TMEM174: variants seen among roughly 807,000 people sequenced by gnomAD.
TMEM174 encodes the protein transmembrane protein 174.
In TMEM174, 11 loss-of-function variants were observed where a neutral mutation model predicts 15.1. The observed-to-expected ratio is 0.73, with a 90% CI of 0.46 to 1.20. TMEM174 has a LOEUF of 1.20. Ranked by LOEUF, TMEM174 falls within the 50% of genes most tolerant of loss-of-function variation. The pLI is 0.00. For missense variants in TMEM174, 321 were observed against 303.6 expected, an observed-to-expected ratio of 1.06 and a Z score of -0.43; for synonymous variants, 130 against 121.3, an observed-to-expected ratio of 1.07 and a Z score of -0.47.
chr5:73,174,122 T>G lies in TMEM174; in HGVS notation c.689T>G (p.Phe230Cys). The G allele has an allele frequency of 6.2e-7, 1 of 1,614,096 alleles. No homozygotes were observed. Among genetic ancestry groups the G allele is most frequent in the South Asian group, 1.1e-5 (1 of 91,068 alleles). The change falls in exon 2 of 2, where the codon TTC becomes TGC. Residue 230 changes from phenylalanine to cysteine, a missense_variant. Physicochemically the swap from Phe to Cys is radical, Grantham distance 205. Coordinates refer to ENST00000296776, the MANE Select transcript of TMEM174 (RefSeq NM_153217.3). ...CTGGAAGAGGAGGCCTGTGCCTGCT[T>G]CTCTCCTCCCCCTTATGAAGAAATA... ...TQLEEEACAC[F>C]SPPPYEEIYS...
Position 73,174,779 on chromosome 5 carries a change from G to C in TMEM174, c.*614G>C, listed in dbSNP as rs1294866882. The C allele has an allele frequency of 6.5e-6, 1 of 152,690 alleles. No individual in the cohort carries two copies. Among genetic ancestry groups the C allele is most frequent in the Non-Finnish European group, 1.5e-5 (1 of 68,308 alleles). The allele number at this position is 152,690 out of a possible 1,614,324, so 9.5% of individuals were successfully genotyped here. ...ATAAATCATGTCTCCTGCTAGAATA[G>C]TATTGGATACCTGACTAAATTACAC... On this transcript the variant is annotated 3_prime_UTR_variant, in exon 2 of 2. Coordinates refer to ENST00000296776, the MANE Select transcript of TMEM174 (RefSeq NM_153217.3).
At position 73,173,979 on chromosome 5, in the gene TMEM174, C is replaced by A. The variant is rs1745023321; in HGVS notation, c.627-81C>A. 3 of 1,604,684 alleles carry A rather than the reference C, an allele frequency of 1.9e-6. No individual in the cohort carries two copies. The South Asian group carries it at 3.3e-5, about 18-fold the overall frequency. ...GGGAGACTGTGAATCTCTTCTTAGC[C>A]TGTTGCCCACGATGGCAGCCTTGGT... On this transcript the variant is annotated intron_variant, in intron 1 of 1. Transcript: ENST00000296776.
rs1411088978 is a variant in TMEM174 at position 73,174,864 on chromosome 5, T to C, written c.*699T>C. On this transcript the variant is annotated 3_prime_UTR_variant, in exon 2 of 2. Coordinates refer to ENST00000296776, the MANE Select transcript of TMEM174 (RefSeq NM_153217.3). ...ATCCTTCCCGATCACTGAGTCACAGTGACCCTTGGCTGCTGCTGTTCTCTT... is the reference window on the plus strand; with the variant it reads ...ATCCTTCCCGATCACTGAGTCACAGCGACCCTTGGCTGCTGCTGTTCTCTT... 6.6e-6 allele frequency: 1 copy of C among 152,420 alleles called. No homozygotes were observed. Among genetic ancestry groups the C allele is most frequent in the Non-Finnish European group, 1.5e-5 (1 of 68,082 alleles). 9.4% of individuals were successfully genotyped at this position (152,420 alleles called of 1,614,324 possible). A position where few individuals can be genotyped will look rare whatever the true frequency, so the allele number is the denominator to read the frequency against.
chr5:73,173,472 G>A lies in TMEM174; in HGVS notation c.229G>A (p.Val77Ile), dbSNP rs145842297. 1,509 of 1,614,202 alleles carry A rather than the reference G, an allele frequency of 9.3e-4. 2 individuals carry two copies. The highest frequency in any genetic ancestry group is 1.1e-3 in the Non-Finnish European group (1,308 of 1,180,034). The change falls in exon 1 of 2, where the codon GTC becomes ATC. Residue 77 changes from valine (V) to isoleucine (I), a missense_variant. By Grantham distance (29) the Val-to-Ile change is conservative (BLOSUM62 3). Coordinates refer to ENST00000296776, the MANE Select transcript of TMEM174 (RefSeq NM_153217.3). ...HFEWTQLLGPVLLSVGVTFIL... is the reference protein window; with the variant it reads ...HFEWTQLLGPILLSVGVTFIL... ...TGAATGGACCCAGCTCCTTGGGCCC[G>A]TCCTGCTGTCAGTTGGGGTGACATT...
chr5:73,173,546 C>CA lies in TMEM174; in HGVS notation c.306dup (p.Glu103ArgfsTer3). 6.2e-7 allele frequency: 1 copy of CA among 1,614,230 alleles called. No homozygotes were observed. Among genetic ancestry groups the CA allele is most frequent in the Non-Finnish European group, 8.5e-7 (1 of 1,180,050 alleles). On this transcript the variant is annotated frameshift_variant, in exon 1 of 2. Transcript: ENST00000296776. LOFTEE classifies it high-confidence loss of function. The stretch of plus-strand genomic sequence containing the variant: ...TCAAAATGCTCTCCTGCCAGTTGTG[C>CA]AAAGAAAGTGAGGAAAGGGTCCCGG...
rs757392728 is a variant in TMEM174 at position 73,174,094 on chromosome 5, CA to C, written c.662del (p.Gln221ArgfsTer46). On this transcript the variant is annotated frameshift_variant, in exon 2 of 2. Coordinates refer to ENST00000296776, the MANE Select transcript of TMEM174 (RefSeq NM_153217.3). LOFTEE classifies it high-confidence loss of function. ...NPDVDQLEET[Q>X]LEEEACACFS... is the part of the protein sequence containing the mutation. ...TGATGTTGACCAGCTAGAAGAGACA[CA>C]GCTGGAAGAGGAGGCCTGTGCCTGC... 1 of 1,614,142 alleles carries C rather than the reference CA, an allele frequency of 6.2e-7. No individual in the cohort carries two copies. The highest frequency in any genetic ancestry group is 1.1e-5 in the South Asian group (1 of 91,084).
At position 73,173,833 on chromosome 5, in the gene TMEM174, A is replaced by T; in HGVS notation, c.590A>T (p.Glu197Val). The T allele has an allele frequency of 1.2e-6, 2 of 1,613,478 alleles. No homozygotes were observed. Among genetic ancestry groups the T allele is most frequent in the Non-Finnish European group, 1.7e-6 (2 of 1,179,476 alleles). ...PQDNSAFVVD[E>V]GCLSFTDGGN... Reference sequence around the variant, plus strand: ...GATAACTCTGCATTTGTGGTTGATGAGGGCTGCCTTTCTTTCACGGACGGT... The same window carrying T: ...GATAACTCTGCATTTGTGGTTGATGTGGGCTGCCTTTCTTTCACGGACGGT... The change falls in exon 1 of 2, where the codon GAG becomes GTG. Residue 197 changes from glutamate to valine, a missense_variant. Physicochemically the swap from Glu to Val is moderately radical, Grantham distance 121. Transcript: ENST00000296776.
chr5:73,174,266 G>C lies in TMEM174; in HGVS notation c.*101G>C, dbSNP rs1745029368. 1 of 1,135,034 alleles carries C rather than the reference G, an allele frequency of 8.8e-7. No individual in the cohort carries two copies. The allele number at this position is 1,135,034 out of a possible 1,614,324, so 70.3% of individuals were successfully genotyped here. ...GTGTTCTATGTTGTAACCTTCAGAA[G>C]TTACAGCAGCGCCCAGGCAGCCTGA... On this transcript the variant is annotated 3_prime_UTR_variant, in exon 2 of 2. Coordinates refer to ENST00000296776, the MANE Select transcript of TMEM174 (RefSeq NM_153217.3).
chr5:73,174,270 C>G lies in TMEM174; in HGVS notation c.*105C>G. 1 of 1,033,048 alleles carries G rather than the reference C, an allele frequency of 9.7e-7. No homozygotes were observed. The highest frequency in any genetic ancestry group is 2.4e-5 in the East Asian group (1 of 41,192). The allele number at this position is 1,033,048 out of a possible 1,614,324, so 64.0% of individuals were successfully genotyped here. A position where few individuals can be genotyped will look rare whatever the true frequency, so the allele number is the denominator to read the frequency against. On this transcript the variant is annotated 3_prime_UTR_variant, in exon 2 of 2. Coordinates refer to ENST00000296776, the MANE Select transcript of TMEM174 (RefSeq NM_153217.3). ...TCTATGTTGTAACCTTCAGAAGTTA[C>G]AGCAGCGCCCAGGCAGCCTGACAGA...
In TMEM174 at chr5:73,174,283, G is replaced by A; in HGVS notation, c.*118G>A. 2 of 914,864 alleles carry A rather than the reference G, an allele frequency of 2.2e-6. No homozygotes were observed. Among genetic ancestry groups the A allele is most frequent in the East Asian group, 2.5e-5 (1 of 40,210 alleles). The allele number at this position is 914,864 out of a possible 1,614,324, so 56.7% of individuals were successfully genotyped here. On this transcript the variant is annotated 3_prime_UTR_variant, in exon 2 of 2. Transcript: ENST00000296776. ...CTTCAGAAGTTACAGCAGCGCCCAG[G>A]CAGCCTGACAGAGATCATTCAAGGG...
Position 73,174,342 on chromosome 5 carries a change from A to G in TMEM174, c.*177A>G. On this transcript the variant is annotated 3_prime_UTR_variant, in exon 2 of 2. Coordinates refer to ENST00000296776, the MANE Select transcript of TMEM174 (RefSeq NM_153217.3). ...GGAAGTGGGAGGTGCAATTTCTCAG[A>G]TTGGTAAAAATTAGGCTGGGCTGGG... is the stretch of plus-strand genomic sequence containing the variant. The G allele has an allele frequency of 1.7e-6, 1 of 599,836 alleles. No individual in the cohort carries two copies. The highest frequency in any genetic ancestry group is 2.9e-6 in the Non-Finnish European group (1 of 343,524). The allele number at this position is 599,836 out of a possible 1,614,324, so 37.2% of individuals were successfully genotyped here.
At position 73,173,264 on chromosome 5, in the gene TMEM174, C is replaced by G; in HGVS notation, c.21C>G (p.Arg7=). Residue 7 remains arginine (R), a synonymous_variant, in exon 1 of 2, where the codon CGC becomes CGG. Transcript: ENST00000296776. MEQGSG[R]LEDFPVNVFS... is the part of the protein sequence containing the mutation. ...GAGCAATGGAGCAGGGCAGCGGCCGCTTGGAGGACTTCCCTGTCAATGTGT... is the reference window on the plus strand; with the variant it reads ...GAGCAATGGAGCAGGGCAGCGGCCGGTTGGAGGACTTCCCTGTCAATGTGT... 1 of 1,540,130 alleles carries G rather than the reference C, an allele frequency of 6.5e-7. No individual in the cohort carries two copies. The highest frequency in any genetic ancestry group is 1.4e-5 in the African/African-American group (1 of 72,996).
chr5:73,174,028 T>C lies in TMEM174; in HGVS notation c.627-32T>C, dbSNP rs571616887. Reference sequence around the variant, plus strand: ...GTTCTGTGAATGGTGCTTTGGACCATAATGTACCTGTGTTTTCTGCTCACA... The same window carrying C: ...GTTCTGTGAATGGTGCTTTGGACCACAATGTACCTGTGTTTTCTGCTCACA... On this transcript the variant is annotated intron_variant, in intron 1 of 1. Coordinates refer to ENST00000296776, the MANE Select transcript of TMEM174 (RefSeq NM_153217.3). 7.3e-5 allele frequency: 117 copies of C among 1,612,504 alleles called. 1 individual carries two copies. In the South Asian group the frequency reaches 1.2e-3, roughly 17 times the overall value.
chr5:73,173,981 G>A (rs773017177), intron 1 of TMEM174, 79 bp from the exon 2 acceptor site: 4 of 1,605,482 alleles, frequency 2.5e-6, no homozygotes, highest in Non-Finnish European at 3.4e-6. Flanking sequence ...TTCTTAGCCT[G>A]TTGCCCACGA....
rs900189637 is a variant in TMEM174, at chr5:73,174,425, G to A, written c.*260G>A. The A allele has an allele frequency of 1.7e-5, 7 of 407,052 alleles. No homozygotes were observed. The highest frequency in any genetic ancestry group is 1.4e-4 in the African/African-American group (7 of 49,376). 25.2% of individuals were successfully genotyped at this position (407,052 alleles called of 1,614,324 possible). ...TCGGGTAAGAAATCTCCTGTATAAG[G>A]TTCAGGAGCAGGAATTTCACTTTTT... On this transcript the variant is annotated 3_prime_UTR_variant, in exon 2 of 2. Transcript: ENST00000296776.
chr5:73,173,472 G>C lies in TMEM174; in HGVS notation c.229G>C (p.Val77Leu), dbSNP rs145842297. The C allele has an allele frequency of 6.2e-7, 1 of 1,614,204 alleles. No homozygotes were observed. Among genetic ancestry groups the C allele is most frequent in the Non-Finnish European group, 8.5e-7 (1 of 1,180,036 alleles). The change falls in exon 1 of 2, where the codon GTC becomes CTC. Residue 77 changes from valine (V) to leucine (L), a missense_variant. Transcript: ENST00000296776. ...TGAATGGACCCAGCTCCTTGGGCCC[G>C]TCCTGCTGTCAGTTGGGGTGACATT... ...HFEWTQLLGP[V>L]LLSVGVTFIL...
chr5:73,174,279 C>A lies in TMEM174; in HGVS notation c.*114C>A. 1 of 945,614 alleles carries A rather than the reference C, an allele frequency of 1.1e-6. No individual in the cohort carries two copies. Among genetic ancestry groups the A allele is most frequent in the Non-Finnish European group, 1.6e-6 (1 of 613,676 alleles). 58.6% of individuals were successfully genotyped at this position (945,614 alleles called of 1,614,324 possible). A position where few individuals can be genotyped will look rare whatever the true frequency, so the allele number is the denominator to read the frequency against. On this transcript the variant is annotated 3_prime_UTR_variant, in exon 2 of 2. Coordinates refer to ENST00000296776, the MANE Select transcript of TMEM174 (RefSeq NM_153217.3). ...TAACCTTCAGAAGTTACAGCAGCGCCCAGGCAGCCTGACAGAGATCATTCA... is the reference window on the plus strand; with the variant it reads ...TAACCTTCAGAAGTTACAGCAGCGCACAGGCAGCCTGACAGAGATCATTCA...
At position 73,174,340 on chromosome 5, in the gene TMEM174, A is replaced by G; in HGVS notation, c.*175A>G. The G allele has an allele frequency of 3.3e-6, 2 of 605,668 alleles. No individual in the cohort carries two copies. The highest frequency in any genetic ancestry group is 5.7e-6 in the Non-Finnish European group (2 of 348,234). 37.5% of individuals were successfully genotyped at this position (605,668 alleles called of 1,614,324 possible). ...GGGGAAGTGGGAGGTGCAATTTCTC[A>G]GATTGGTAAAAATTAGGCTGGGCTG... On this transcript the variant is annotated 3_prime_UTR_variant, in exon 2 of 2. Transcript: ENST00000296776.
chr5:73,174,464 C>G lies in TMEM174; in HGVS notation c.*299C>G. The G allele has an allele frequency of 3.4e-6, 1 of 290,610 alleles. No homozygotes were observed. The highest frequency in any genetic ancestry group is 6.4e-6 in the Non-Finnish European group (1 of 155,656). 18.0% of individuals were successfully genotyped at this position (290,610 alleles called of 1,614,324 possible). On this transcript the variant is annotated 3_prime_UTR_variant, in exon 2 of 2. Coordinates refer to ENST00000296776, the MANE Select transcript of TMEM174 (RefSeq NM_153217.3). ...ATTTCACTTTTTCATCCACCACCCT[C>G]CCCCTTCTCTGTAGGAAGGCATTGG...
Sources: gnomAD v4.1 joint callset for allele counts on GRCh38, gnomAD v4.1.1 for gene constraint, MANE v1.5 for transcripts, NCBI Gene and HGNC (gene_info 2026-07-23, HGNC 2026-07-21) for gene names.